Variants in TAF6 observed in about 807,000 individuals in gnomAD.
The protein encoded by TAF6 is transcription initiation factor TFIID subunit 6.
Under a neutral mutation model 73.5 loss-of-function variants are expected in TAF6, and 50 were observed. The observed-to-expected ratio is 0.68, with a 90% CI of 0.54 to 0.86. The LOEUF (loss-of-function observed/expected upper bound fraction) is 0.86. Among genes scored for constraint, TAF6 ranks in the 40% least tolerant of loss-of-function variants. The pLI, the probability that TAF6 is intolerant of heterozygous loss-of-function variation, is 0.00. For synonymous variants in TAF6, 424 were observed against 376.7 expected, an observed-to-expected ratio of 1.13 and a Z score of -1.45; for missense variants, 768 against 899.5, an observed-to-expected ratio of 0.85 and a Z score of 1.87.
At chr7:100,115,047 G>A (rs1342158904) in intron 1 of TAF6, among the ~76,000 whole-genome samples, 1 of 152,104 alleles carries the variant, frequency 6.6e-6, no homozygotes, top group Non-Finnish European at 1.5e-5. Flanking sequence ...CAGGGGCAGA[G>A]ACAGAGTCTC....
upstream of TAF6, chr7:100,121,116 A>ATATTTTTTTTTTTTTTT (rs1584585316): frequency 1.9e-5 from 1 of 52,800 alleles, no homozygotes; most frequent in African/African-American, 9.7e-5. Flanking sequence ...ATATATATAT[A>ATATTTTTTTTTTTTTTT]TTTTTTTTTT....
upstream of TAF6, among the ~76,000 whole-genome samples, chr7:100,121,794 T>C (rs1798077901): frequency 6.6e-6 from 1 of 150,934 alleles, no homozygotes; most frequent in Admixed American, 6.6e-5. Context: ...CTCACGCCTG[T>C]AATCCCAGTA....
chr7:100,107,417 G>T lies in TAF6; in HGVS notation c.1863C>A (p.Pro621=). 1.9e-6 allele frequency: 3 copies of T among 1,608,454 alleles called. No individual in the cohort carries two copies. The highest frequency in any genetic ancestry group is 2.2e-5 in the South Asian group (2 of 90,916). The change falls in exon 15 of 15, where the codon CCC becomes CCA. Residue 621 remains proline (P), a synonymous_variant. Coordinates refer to ENST00000453269, the MANE Select transcript of TAF6 (RefSeq NM_139315.3). ...LPPTGEGKGG[P]TSHPSPVPPP... ...GAGGAACTGGAGAAGGATGGGAGGT[G>T]GGGCCTCCTTTGCCCTCCCCTGTTG...
chr7:100,124,817 G>A (rs187806620), upstream of TAF6: 16 of 1,613,532 alleles, frequency 9.9e-6, no homozygotes, highest in Admixed American at 3.3e-5. Flanking sequence ...GGAGGAAGAG[G>A]AGGAAGAGGA....
chr7:100,111,866 G>C (rs1479323963), intron 8 of TAF6, 37 bp from the exon 9 acceptor site: 3 of 1,613,978 alleles, frequency 1.9e-6, no homozygotes, highest in Non-Finnish European at 2.5e-6. Flanking sequence ...GGGGCAGGGA[G>C]ACCCTCACAG....
At position 100,107,208 on chromosome 7, in the gene TAF6, C is replaced by T; in HGVS notation, c.*38G>A. The T allele has an allele frequency of 6.6e-7, 1 of 1,518,334 alleles. No homozygotes were observed. The highest frequency in any genetic ancestry group is 8.8e-7 in the Non-Finnish European group (1 of 1,135,880). 94.1% of individuals were successfully genotyped at this position (1,518,334 alleles called of 1,614,324 possible). A position where few individuals can be genotyped will look rare whatever the true frequency, so the allele number is the denominator to read the frequency against. ...TGTGTACGTGCACGTGTGTACATGT[C>T]TGCATGTGTGGGAATCCGGGGGCTG... On this transcript the variant is annotated 3_prime_UTR_variant, in exon 15 of 15. Coordinates refer to ENST00000453269, the MANE Select transcript of TAF6 (RefSeq NM_139315.3).
At chr7:100,123,022 G>C, upstream of TAF6, 1 of 1,151,668 alleles carries the variant, frequency 8.7e-7, no homozygotes, top group Non-Finnish European at 1.2e-6. Flanking sequence ...AGGGGCCAGA[G>C]TGAGGACTGT....
rs201350057 is a variant in TAF6, at chr7:100,107,327, C to G, written c.1953G>C (p.Gly651=). The part of the protein sequence containing the change: ...SALCGGKQEA[G]DSPPPAPGTP... Reference sequence around the variant, plus strand: ...TCCCTGGAGCTGGAGGGGGACTGTCCCCAGCCTCCTGCTTCCCCCCACAAA... The same window carrying G: ...TCCCTGGAGCTGGAGGGGGACTGTCGCCAGCCTCCTGCTTCCCCCCACAAA... Residue 651 remains glycine (G), a synonymous_variant, in exon 15 of 15, where the codon GGG becomes GGC. Transcript: ENST00000453269. The G allele has an allele frequency of 7.1e-6, 11 of 1,542,588 alleles. No homozygotes were observed. Among genetic ancestry groups the G allele is most frequent in the Non-Finnish European group, 9.6e-6 (11 of 1,143,922 alleles).
Position 100,110,245 on chromosome 7 carries a change from C to A in TAF6, c.1113G>T (p.Thr371=). ...KSWVDEKTPW[T]TRYGSIAGLA... is the part of the protein sequence containing the mutation. ...AGCCTGCGATGGAGCCATAACGAGT[C>A]GTCCAGGGCGTCTTCTCGTCCACCC... Residue 371 remains threonine (T), a synonymous_variant, in exon 11 of 15, where the codon ACG becomes ACT. Transcript: ENST00000453269. The A allele has an allele frequency of 6.2e-7, 1 of 1,614,052 alleles. No homozygotes were observed. The highest frequency in any genetic ancestry group is 1.1e-5 in the South Asian group (1 of 91,060).
At chr7:100,118,761 G>T in intron 1 of TAF6, 3 of 687,284 alleles carry the variant, frequency 4.4e-6, no homozygotes, top group Non-Finnish European at 5.4e-6. Flanking sequence ...GTGGGGCCGT[G>T]CTGGAAGGAT....
chr7:100,113,645 G>A lies in TAF6; in HGVS notation c.368C>T (p.Pro123Leu). 6.2e-7 allele frequency: 1 copy of A among 1,614,114 alleles called. No homozygotes were observed. The highest frequency in any genetic ancestry group is 8.5e-7 in the Non-Finnish European group (1 of 1,180,020). ...GAGGCAGACGTCCAGGGGCACCCGG[G>A]GCAGAGGGGTATTGATGATGTCGCT... ...DLSDIINTPL[P>L]RVPLDVCLKA... Residue 123 changes from proline to leucine, a missense_variant, in exon 4 of 15, where the codon CCC becomes CTC. Physicochemically the swap from Pro to Leu is moderately conservative, Grantham distance 98 (BLOSUM62 -3). This residue lies in a region of TAF6 where 269 missense variants were observed against 268.0 expected (regional missense o/e 1.00). Transcript: ENST00000453269.
upstream of TAF6, chr7:100,122,776 T>C: frequency 6.2e-7 from 1 of 1,609,068 alleles, no homozygotes; most frequent in East Asian, 2.2e-5. Flanking sequence ...AAATTCTTAA[T>C]CTCTCAGGGT....
chr7:100,120,114 TGTA>T, upstream of TAF6: 1 of 412,280 alleles, frequency 2.4e-6, no homozygotes, highest in East Asian at 4.7e-5. Context: ...TTGTGGGAAT[TGTA>T]GTTCAGGGAC....
chr7:100,112,129 G>A lies in TAF6; in HGVS notation c.699C>T (p.Gly233=). ...YYKEITEACV[G]SCEAKRAEAL... ...TCACCGCCCTCTTGGCCTCGCAGGA[G>A]CCCACGCAGGCCTCGGTGATCTCCT... Residue 233 remains glycine, a synonymous_variant, in exon 7 of 15, where the codon GGC becomes GGT. Transcript: ENST00000453269. 6.2e-7 allele frequency: 1 copy of A among 1,613,842 alleles called. No homozygotes were observed. Among genetic ancestry groups the A allele is most frequent in the Non-Finnish European group, 8.5e-7 (1 of 1,179,878 alleles).
At chr7:100,110,347 A>G in intron 10 of TAF6, 73 bp from the exon 11 acceptor site, 2 of 1,508,330 alleles carry the variant, frequency 1.3e-6, no homozygotes, top group Non-Finnish European at 1.8e-6. Flanking sequence ...AGTCTTTCAT[A>G]GACACTTTCC....
rs1164038100 is a variant in TAF6 at position 100,107,514 on chromosome 7, G to C, written c.1766C>G (p.Thr589Ser). Residue 589 changes from threonine (T) to serine (S), a missense_variant, in exon 15 of 15, where the codon ACC becomes AGC. This residue lies in a region of TAF6 where 350 missense variants were observed against 352.3 expected (regional missense o/e 0.99). Coordinates refer to ENST00000453269, the MANE Select transcript of TAF6 (RefSeq NM_139315.3). ...QPIVKLVSTATTAPPSTAPSG... is the reference protein window; with the variant it reads ...QPIVKLVSTASTAPPSTAPSG... ...GGGAGCAGTGCTGGGGGGTGCGGTGGTGGCGGTGGAGACCAACTTGACGAT... is the reference window on the plus strand; with the variant it reads ...GGGAGCAGTGCTGGGGGGTGCGGTGCTGGCGGTGGAGACCAACTTGACGAT... 1.9e-6 allele frequency: 3 copies of C among 1,614,028 alleles called. No individual in the cohort carries two copies. Among genetic ancestry groups the C allele is most frequent in the Admixed American group, 3.3e-5 (2 of 59,988 alleles).
At chr7:100,124,894 G>A in the TAF6 span, 4 of 1,577,836 alleles carry the variant, frequency 2.5e-6, no homozygotes, top group Non-Finnish European at 3.4e-6. Context: ...TTTGACCCTT[G>A]CCTTTGAGCC....
At chr7:100,108,658 T>G in intron 12 of TAF6, 118 bp from the exon 13 acceptor site, 1 of 1,185,200 alleles carries the variant, frequency 8.4e-7, no homozygotes, top group Non-Finnish European at 1.2e-6. Context: ...GGACATTCCT[T>G]ATCATCTCAG....
chr7:100,108,340 A>T, intron 13 of TAF6, 27 bp downstream of exon 13: 1 of 1,581,568 alleles, frequency 6.3e-7, no homozygotes, highest in Non-Finnish European at 8.6e-7. Context: ...GCTTCCTCCT[A>T]TTCCTCCTCC....
Sources: allele counts gnomAD v4.1 joint callset (sites outside exome capture counted in the v4.1 genomes callset), GRCh38; gene constraint gnomAD v4.1.1; regional missense constraint gnomAD v4.1.1; transcripts MANE v1.5; gene names NCBI Gene and HGNC (gene_info 2026-07-23, HGNC 2026-07-21).